BACH2: variants seen among roughly 807,000 people sequenced by gnomAD.
BACH2 encodes BACH transcriptional regulator 2.
In BACH2, 5 loss-of-function variants were observed where a neutral mutation model predicts 61.8. The observed-to-expected ratio is 0.08, with a 90% CI of 0.04 to 0.17. The LOEUF (loss-of-function observed/expected upper bound fraction) is 0.17. BACH2 is among the 10% of genes least tolerant of loss of function. The pLI, the probability that BACH2 is intolerant of heterozygous loss-of-function variation, is 1.00. For missense variants in BACH2, 824 were observed against 1,091.1 expected, an observed-to-expected ratio of 0.76 and a Z score of 3.45; for synonymous variants, 446 against 440.1, an observed-to-expected ratio of 1.01 and a Z score of -0.17.
At chr6:90,000,698 C>T (rs1429691240) in intron 6 of BACH2, among the ~76,000 whole-genome samples, 2 of 152,198 alleles carry the variant, frequency 1.3e-5, no homozygotes, top group Non-Finnish European at 2.9e-5. Flanking sequence ...AATCTTAACA[C>T]CTTCTGACAT....
At chr6:90,295,655 GT>G (rs1772327146) in intron 1 of BACH2, among the ~76,000 whole-genome samples, 2 of 55,098 alleles carry the variant, frequency 3.6e-5, no homozygotes, top group South Asian at 6.4e-4. Context: ...GGAGTGTAGG[GT>G]GTGTGTGTGT....
intron 5 of BACH2, among the ~76,000 whole-genome samples, chr6:90,019,461 G>C (rs1461242667): frequency 6.6e-6 from 1 of 152,200 alleles, no homozygotes; most frequent in Non-Finnish European, 1.5e-5. Context: ...TGGACAAACT[G>C]CCTAACTGTT....
At chr6:90,007,105 C>T (rs919387656) in intron 6 of BACH2, among the ~76,000 whole-genome samples, 7 of 151,916 alleles carry the variant, frequency 4.6e-5, no homozygotes, top group African/African-American at 7.3e-5. Context: ...GACAGGGTCT[C>T]GCCCTGTCAC....
chr6:90,286,373 CATCT>C (rs1772016725), intron 1 of BACH2, among the ~76,000 whole-genome samples: 2 of 152,276 alleles, frequency 1.3e-5, no homozygotes, highest in South Asian at 4.1e-4. Context: ...GCCTCTCATT[CATCT>C]ATGTTCTCTC....
chr6:90,252,804 G>A (rs939962241), intron 2 of BACH2, among the ~76,000 whole-genome samples: 1 of 152,210 alleles, frequency 6.6e-6, no homozygotes, highest in African/African-American at 2.4e-5. Context: ...GTGAGGTCCT[G>A]TATGGTCAGT....
chr6:90,101,137 T>C lies in BACH2; in HGVS notation c.-161-12028A>G, dbSNP rs916665920. Among the ~76,000 whole-genome samples the C allele has an allele frequency of 2.6e-5, 4 of 152,256 alleles. No homozygotes were observed. In the East Asian group the frequency reaches 5.8e-4, roughly 22 times the overall value. On this transcript the variant is annotated intron_variant, in intron 4 of 8. Transcript: ENST00000257749. ...GTAAGAATTCTTTATATATTCTGGATACACATCCTTTGTCAGATACATGAT... is the reference window on the plus strand; with the variant it reads ...GTAAGAATTCTTTATATATTCTGGACACACATCCTTTGTCAGATACATGAT...
intron 5 of BACH2, among the ~76,000 whole-genome samples, chr6:90,028,441 TTC>T (rs1324319038): frequency 1.3e-5 from 2 of 152,208 alleles, no homozygotes; most frequent in Non-Finnish European, 2.9e-5. Context: ...TTTTCCTATT[TTC>T]TCTCTCTGCT....
intron 5 of BACH2, among the ~76,000 whole-genome samples, chr6:90,009,916 C>G (rs559837184): frequency 1.6e-4 from 24 of 152,336 alleles, no homozygotes; most frequent in African/African-American, 5.8e-4. Context: ...CCACCCGCCT[C>G]GGCCTCCCAA....
chr6:90,141,479 C>T (rs1482204347), intron 4 of BACH2, among the ~76,000 whole-genome samples: 1 of 150,352 alleles, frequency 6.7e-6, no homozygotes, highest in African/African-American at 2.5e-5. Flanking sequence ...CCATACCCCG[C>T]CCCGATCCCG....
chr6:90,003,375 CAA>C (rs35015927), intron 6 of BACH2, among the ~76,000 whole-genome samples: 1 of 152,216 alleles, frequency 6.6e-6, no homozygotes, highest in Admixed American at 6.5e-5. Context: ...GGTCTCTCTT[CAA>C]AAGTCACCCC....
At chr6:90,094,056 C>T (rs1394083471) in intron 4 of BACH2, among the ~76,000 whole-genome samples, 1 of 152,154 alleles carries the variant, frequency 6.6e-6, no homozygotes, top group East Asian at 1.9e-4. Context: ...TAGGTAACTA[C>T]CTCTTGCATA....
At chr6:90,052,998 TTTGA>T (rs1780130861) in intron 5 of BACH2, among the ~76,000 whole-genome samples, 1 of 152,294 alleles carries the variant, frequency 6.6e-6, no homozygotes, top group Admixed American at 6.5e-5. Flanking sequence ...TTCTTTCTTT[TTTGA>T]TTTTTAAAAA....
intron 6 of BACH2, among the ~76,000 whole-genome samples, chr6:89,985,325 C>A (rs1337439739): frequency 6.6e-6 from 1 of 152,116 alleles, no homozygotes; most frequent in Non-Finnish European, 1.5e-5. Flanking sequence ...GCTGGCGGGG[C>A]TGGTGGGAGT....
At chr6:90,231,891 T>C (rs1191260566) in intron 3 of BACH2, among the ~76,000 whole-genome samples, 1 of 152,108 alleles carries the variant, frequency 6.6e-6, no homozygotes, top group Non-Finnish European at 1.5e-5. Context: ...AGAATTCTAG[T>C]GAAACCTAGG....
At chr6:90,256,877 T>C (rs1770997032) in intron 2 of BACH2, among the ~76,000 whole-genome samples, 1 of 152,208 alleles carries the variant, frequency 6.6e-6, no homozygotes, top group Non-Finnish European at 1.5e-5. Flanking sequence ...CATCTCTCCA[T>C]TTCCTGCCCA....
chr6:90,279,763 T>A (rs1356766358), intron 1 of BACH2, among the ~76,000 whole-genome samples: 1 of 152,212 alleles, frequency 6.6e-6, no homozygotes, highest in African/African-American at 2.4e-5. Flanking sequence ...GCATATTTTA[T>A]CTCTTATTTT....
At chr6:90,084,812 T>A (rs1156824897) in intron 5 of BACH2, among the ~76,000 whole-genome samples, 1 of 152,126 alleles carries the variant, frequency 6.6e-6, no homozygotes, top group African/African-American at 2.4e-5. Context: ...ATATATATAC[T>A]GGTATCTTAA....
intron 4 of BACH2, among the ~76,000 whole-genome samples, chr6:90,191,345 G>A (rs968612918): frequency 5.9e-5 from 9 of 152,202 alleles, no homozygotes; most frequent in Non-Finnish European, 1.0e-4. Flanking sequence ...AACTGTCACC[G>A]AGTAAAAGTC....
chr6:90,137,215 C>T (rs1784300039), intron 4 of BACH2, among the ~76,000 whole-genome samples: 1 of 152,102 alleles, frequency 6.6e-6, no homozygotes, highest in Admixed American at 6.5e-5. Context: ...ACATTTCATT[C>T]AACAATCCCT....
Sources: allele counts gnomAD v4.1 joint callset (sites outside exome capture counted in the v4.1 genomes callset), GRCh38; gene constraint gnomAD v4.1.1; transcripts MANE v1.5; gene names NCBI Gene and HGNC (gene_info 2026-07-23, HGNC 2026-07-21).